The following DPP6 variants were observed in gnomAD, a reference collection of about 807,000 sequenced individuals.
DPP6 encodes dipeptidyl peptidase like 6.
A neutral mutation model predicts 122.6 loss-of-function variants in DPP6; 69 were observed. The ratio of observed to expected loss-of-function variants is 0.56; its 90% CI spans 0.46 to 0.69. DPP6 has a LOEUF of 0.69. DPP6 is among the 30% of genes least tolerant of loss of function. The pLI is 0.00. For synonymous variants in DPP6, 418 were observed against 433.1 expected (o/e 0.97, Z 0.43); for missense variants, 928 against 1,116.9 (o/e 0.83, Z 2.41).
the DPP6 span, among the ~76,000 whole-genome samples, chr7:153,756,050 A>G: frequency 6.6e-6 from 1 of 152,170 alleles, no homozygotes; most frequent in African/African-American, 2.4e-5. Context: ...TCACAGAACC[A>G]GAGTCCTGCT....
intron 1 of DPP6, among the ~76,000 whole-genome samples, chr7:154,107,613 T>C (rs1263402796): frequency 6.6e-6 from 1 of 152,254 alleles, no homozygotes; most frequent in Non-Finnish European, 1.5e-5. Flanking sequence ...GTGATATATA[T>C]GTTAACTAGC....
chr7:154,689,913 T>C (rs1412397057), intron 7 of DPP6, among the ~76,000 whole-genome samples: 2 of 152,198 alleles, frequency 1.3e-5, no homozygotes, highest in Non-Finnish European at 2.9e-5. Flanking sequence ...ATTTTCTTTA[T>C]TTGACCTATA....
chr7:154,779,028 C>CTAT (rs1796807754), intron 10 of DPP6, among the ~76,000 whole-genome samples: 1 of 122,564 alleles, frequency 8.2e-6, no homozygotes. Context: ...ACCATCACCT[C>CTAT]CACCACCACC....
the DPP6 span, among the ~76,000 whole-genome samples, chr7:153,794,769 A>G: frequency 4.6e-5 from 7 of 152,144 alleles, no homozygotes; most frequent in Non-Finnish European, 8.8e-5. Flanking sequence ...GGGACCCAGG[A>G]GGAGGTAATT....
chr7:154,582,196 G>A (rs2130672650), intron 5 of DPP6, among the ~76,000 whole-genome samples: 1 of 152,358 alleles, frequency 6.6e-6, no homozygotes, highest in East Asian at 1.9e-4. Flanking sequence ...GAGTGCAGAT[G>A]TAGTGATCCT....
intron 6 of DPP6, among the ~76,000 whole-genome samples, chr7:154,651,621 G>C (rs884375): frequency 0.53 from 81,263 of 152,048 alleles, 22,978 homozygotes; most frequent in South Asian, 0.67. Context: ...TAGCATGGCT[G>C]AGGATCGGCT....
Position 154,688,418 on chromosome 7 carries a change from T to G in DPP6, c.762+18977T>G, listed in dbSNP as rs550511587. Reference sequence around the variant, plus strand: ...TGGTTTAAATTTACTCTTACATATCTTCTTTGGATATTTTTGGTACATGTT... The same window carrying G: ...TGGTTTAAATTTACTCTTACATATCGTCTTTGGATATTTTTGGTACATGTT... On this transcript the variant is annotated intron_variant, in intron 7 of 25. Transcript: ENST00000377770. 2.6e-5 allele frequency among the ~76,000 whole-genome samples: 4 copies of G among 152,358 alleles called. No homozygotes were observed. The East Asian group carries it at 7.7e-4, about 29-fold the overall frequency.
At chr7:153,925,705 G>A (rs1329006361) in intron 1 of DPP6, among the ~76,000 whole-genome samples, 1 of 152,186 alleles carries the variant, frequency 6.6e-6, no homozygotes, top group African/African-American at 2.4e-5. Flanking sequence ...CATCCCACAT[G>A]GTAGAGGGTC....
intron 1 of DPP6, among the ~76,000 whole-genome samples, chr7:154,174,928 G>A (rs1340862709): frequency 7.4e-5 from 11 of 149,460 alleles, no homozygotes; most frequent in African/African-American, 2.2e-4. Context: ...CCAGGCTGGA[G>A]TACAGTGGCA....
At chr7:154,555,500 A>T (rs1462499368) in intron 4 of DPP6, among the ~76,000 whole-genome samples, 2 of 152,262 alleles carry the variant, frequency 1.3e-5, no homozygotes, top group East Asian at 1.9e-4. Flanking sequence ...TAGCATTAGG[A>T]GATATACCTA....
Position 154,877,412 on chromosome 7 carries a change from C to T in DPP6, c.2078+1312C>T, listed in dbSNP as rs1345568199. ...AACAACACATGTGTGCGTGCACACACACACACACACACACACACACCTCTC... is the reference window on the plus strand; with the variant it reads ...AACAACACATGTGTGCGTGCACACATACACACACACACACACACACCTCTC... On this transcript the variant is annotated intron_variant, in intron 20 of 25. Coordinates refer to ENST00000377770, the MANE Select transcript of DPP6 (RefSeq NM_130797.4). The surrounding 1 kb of genome is among the most constrained non-coding windows in gnomAD (Gnocchi z 5.2). Among the ~76,000 whole-genome samples the T allele has an allele frequency of 1.3e-5, 1 of 79,990 alleles. No homozygotes were observed. Among genetic ancestry groups the T allele is most frequent in the African/African-American group, 3.4e-5 (1 of 29,282 alleles). 52.5% of individuals were successfully genotyped at this position (79,990 alleles called of 152,430 possible).
At chr7:153,921,721 G>C (rs144238525) in intron 1 of DPP6, among the ~76,000 whole-genome samples, 186 of 152,342 alleles carry the variant, frequency 1.2e-3, no homozygotes, top group African/African-American at 4.3e-3. Flanking sequence ...AGCTGAACAG[G>C]TACATAATGG....
intron 7 of DPP6, among the ~76,000 whole-genome samples, chr7:154,724,709 C>A (rs141202092): frequency 1.3e-5 from 2 of 152,020 alleles, no homozygotes; most frequent in Non-Finnish European, 2.9e-5. Flanking sequence ...TGTATGAGGT[C>A]CCTGGAGTTG....
rs962674699 is a variant in DPP6, at chr7:154,552,660, C to T, written c.552+12034C>T. On this transcript the variant is annotated intron_variant, in intron 4 of 25. Coordinates refer to ENST00000377770, the MANE Select transcript of DPP6 (RefSeq NM_130797.4). ...ACGTGATAAAAGGTGTATTGGAAGCCAAATGTGAGGATCAGCCCAGGAAGA... is the reference window on the plus strand; with the variant it reads ...ACGTGATAAAAGGTGTATTGGAAGCTAAATGTGAGGATCAGCCCAGGAAGA... Among the ~76,000 whole-genome samples the T allele has an allele frequency of 2.6e-4, 39 of 152,114 alleles. 1 individual carries two copies. The highest frequency in any genetic ancestry group is 9.4e-4 in the African/African-American group (39 of 41,422).
At chr7:153,785,594 G>C in the DPP6 span, among the ~76,000 whole-genome samples, 1 of 151,792 alleles carries the variant, frequency 6.6e-6, no homozygotes, top group Non-Finnish European at 1.5e-5. Context: ...TATGATGGTA[G>C]TGCCCCACAA....
At chr7:154,709,681 A>G (rs1841053697) in intron 7 of DPP6, among the ~76,000 whole-genome samples, 1 of 150,714 alleles carries the variant, frequency 6.6e-6, no homozygotes, top group African/African-American at 2.4e-5. Context: ...GTAACTGGCC[A>G]GACTGATTCT....
At chr7:154,806,901 C>A in intron 15 of DPP6, 93 bp from the exon 16 acceptor site, 2 of 1,527,828 alleles carry the variant, frequency 1.3e-6, no homozygotes, top group South Asian at 1.3e-5. Flanking sequence ...CCGCAGATCA[C>A]CCTCATGGGG....
At chr7:153,784,901 G>T in the DPP6 span, among the ~76,000 whole-genome samples, 2 of 152,170 alleles carry the variant, frequency 1.3e-5, no homozygotes, top group Admixed American at 6.5e-5. Flanking sequence ...GACTGAATAA[G>T]CATCCTTAAT....
At chr7:154,192,302 A>G (rs1441577989) in intron 1 of DPP6, among the ~76,000 whole-genome samples, 1 of 152,226 alleles carries the variant, frequency 6.6e-6, no homozygotes, top group Non-Finnish European at 1.5e-5. Context: ...TTTCTACTTG[A>G]TAAAGCCACC....
Sources: gnomAD v4.1 joint callset for allele counts (sites outside exome capture counted in the v4.1 genomes callset) on GRCh38, gnomAD v4.1.1 for gene constraint, Gnocchi (gnomAD v3.1) non-coding constraint, MANE v1.5 for transcripts, NCBI Gene and HGNC (gene_info 2026-07-23, HGNC 2026-07-21) for gene names.